The following STPG3 variants were observed in gnomAD, a reference collection of about 807,000 sequenced individuals.
STPG3 encodes sperm-tail PG-rich repeat containing 3.
Under a neutral mutation model 32.5 loss-of-function variants are expected in STPG3, and 39 were observed. That is an observed-to-expected ratio of 1.20 (90% CI 0.93 to 1.57). STPG3 has a LOEUF of 1.57. Ranked by LOEUF, STPG3 falls within the 40% of genes most tolerant of loss-of-function variation. The pLI, the probability that STPG3 is intolerant of heterozygous loss-of-function variation, is 0.00. For synonymous variants in STPG3, 209 were observed against 172.4 expected (o/e 1.21, Z -1.66); for missense variants, 507 against 407.6 (o/e 1.24, Z -2.10).
Position 137,253,278 on chromosome 9 carries a change from A to G in STPG3, c.*33A>G, listed in dbSNP as rs1427187379. The G allele has an allele frequency of 6.3e-7, 1 of 1,585,576 alleles. No homozygotes were observed. The highest frequency in any genetic ancestry group is 1.1e-5 in the South Asian group (1 of 87,258). ...TGGGCACAACCTGCTTGGCCCGGCC[A>G]CCGAGTGGAACCATGGCCTCCCCCG... On this transcript the variant is annotated 3_prime_UTR_variant, in exon 6 of 6. Transcript: ENST00000412566.
Position 137,253,127 on chromosome 9 carries a change from G to A in STPG3, c.809G>A (p.Gly270Asp), listed in dbSNP as rs1837448414. The A allele has an allele frequency of 2.5e-6, 4 of 1,573,858 alleles. No homozygotes were observed. Among genetic ancestry groups the A allele is most frequent in the South Asian group, 1.2e-5 (1 of 86,394 alleles). The change falls in exon 6 of 6, where the codon GGC becomes GAC. Residue 270 changes from glycine (G) to aspartate (D), a missense_variant. Physicochemically the swap from Gly to Asp is moderately conservative, Grantham distance 94 (BLOSUM62 -1). Transcript: ENST00000412566. ...TSWLSTSRTP[G>D]PAAYHVEDCN... Reference sequence around the variant, plus strand: ...TCTCTTTCGGCAGCCCGAACCCCTGGCCCAGCCGCCTACCACGTGGAGGAC... The same window carrying A: ...TCTCTTTCGGCAGCCCGAACCCCTGACCCAGCCGCCTACCACGTGGAGGAC...
At chr9:137,252,571 G>C in intron 4 of STPG3, 46 bp downstream of exon 4, 1 of 1,501,334 alleles carries the variant, frequency 6.7e-7, no homozygotes, top group Non-Finnish European at 9.0e-7. Context: ...CGCAGGCAGG[G>C]GGCTGGGGGT....
chr9:137,252,605 G>A, intron 4 of STPG3, 57 bp from the exon 5 acceptor site: 2 of 1,517,244 alleles, frequency 1.3e-6, no homozygotes, highest in Non-Finnish European at 1.8e-6. Flanking sequence ...AAGGGGGGCT[G>A]GCTGAGGGTC....
At position 137,251,306 on chromosome 9, in the gene STPG3, A is replaced by G. The variant is rs774034087; in HGVS notation, c.20A>G (p.Lys7Arg). The G allele has an allele frequency of 6.2e-7, 1 of 1,612,920 alleles. No individual in the cohort carries two copies. The highest frequency in any genetic ancestry group is 8.5e-7 in the Non-Finnish European group (1 of 1,178,980). Residue 7 changes from lysine (K) to arginine (R), a missense_variant, in exon 1 of 6, where the codon AAG (lysine) becomes AGG (arginine). By Grantham distance (26) the Lys-to-Arg change is conservative. Coordinates refer to ENST00000412566, the MANE Select transcript of STPG3 (RefSeq NM_001004353.4). MMNSDQ[K>R]AVKFLANFYI... ...ACTCTGATGATGAATTCTGACCAGAAGGCAGTGAAATTCCTGGCAAATTTT... is the reference window on the plus strand; with the variant it reads ...ACTCTGATGATGAATTCTGACCAGAGGGCAGTGAAATTCCTGGCAAATTTT...
chr9:137,253,249 C>T lies in STPG3; in HGVS notation c.*4C>T, dbSNP rs1432866328. ...AGGCCCCTTCTGCACGCTCTAGAGC[C>T]AGCTGGGCACAACCTGCTTGGCCCG... On this transcript the variant is annotated 3_prime_UTR_variant, in exon 6 of 6. Transcript: ENST00000412566. The T allele has an allele frequency of 1.2e-6, 2 of 1,603,274 alleles. No individual in the cohort carries two copies. Among genetic ancestry groups the T allele is most frequent in the Non-Finnish European group, 1.7e-6 (2 of 1,175,548 alleles).
rs777261198 is a variant in STPG3, at chr9:137,253,306, G to C, written c.*61G>C. ...GAGTGGAACCATGGCCTCCCCCGGG[G>C]CTTTCCCAGGCCTCCCCTGGGACTT... On this transcript the variant is annotated 3_prime_UTR_variant, in exon 6 of 6. Transcript: ENST00000412566. 1.9e-6 allele frequency: 3 copies of C among 1,559,280 alleles called. No individual in the cohort carries two copies. The highest frequency in any genetic ancestry group is 2.6e-6 in the Non-Finnish European group (3 of 1,152,890).
At position 137,251,831 on chromosome 9, in the gene STPG3, C is replaced by T. The variant is rs2131460208; in HGVS notation, c.204C>T (p.Leu68=). The T allele has an allele frequency of 3.7e-6, 6 of 1,606,466 alleles. No individual in the cohort carries two copies. The highest frequency in any genetic ancestry group is 5.1e-6 in the Non-Finnish European group (6 of 1,176,586). ...AGATGAAGGAGATCCCAGTTGGCCT[C>T]AGGTTACAGACGGGCACCCCCCAGG... ...PPKMKEIPVG[L]RLQTGTPQES... is the part of the protein sequence containing the mutation. The change falls in exon 2 of 6, where the codon CTC becomes CTT. Residue 68 remains leucine, a synonymous_variant. Transcript: ENST00000412566.
Position 137,252,628 on chromosome 9 carries a change from C to T in STPG3, c.493-34C>T, listed in dbSNP as rs140844791. 2,083 of 1,497,240 alleles carry T rather than the reference C, an allele frequency of 1.4e-3. 21 individuals are homozygous for T. Among genetic ancestry groups the T allele is most frequent in the South Asian group, 0.013 (1,073 of 81,636 alleles). 92.7% of individuals were successfully genotyped at this position (1,497,240 alleles called of 1,614,324 possible). On this transcript the variant is annotated intron_variant, in intron 4 of 5. Coordinates refer to ENST00000412566, the MANE Select transcript of STPG3 (RefSeq NM_001004353.4). ...CTGGCTGAGGGTCCGTGGGGAGCAC[C>T]CTGCCCTGCAGCCCGTCTCCTACCC...
In STPG3 at chr9:137,251,791, A is replaced by T; in HGVS notation, c.164A>T (p.Glu55Val). Reference sequence around the variant, plus strand: ...CCGGAGCCGGGGATGGCCTGGGATGAGACACAGCCCCCAAAGATGAAGGAG... The same window carrying T: ...CCGGAGCCGGGGATGGCCTGGGATGTGACACAGCCCCCAAAGATGAAGGAG... ...LGPEPGMAWD[E>V]TQPPKMKEIP... The change falls in exon 2 of 6, where the codon GAG (glutamate) becomes GTG (valine). Residue 55 changes from glutamate to valine, a missense_variant. By Grantham distance (121) the Glu-to-Val change is moderately radical. Coordinates refer to ENST00000412566, the MANE Select transcript of STPG3 (RefSeq NM_001004353.4). 6.3e-7 allele frequency: 1 copy of T among 1,595,084 alleles called. No homozygotes were observed. Among genetic ancestry groups the T allele is most frequent in the Non-Finnish European group, 8.5e-7 (1 of 1,171,164 alleles).
Position 137,252,458 on chromosome 9 carries a change from G to A in STPG3, c.425G>A (p.Trp142Ter), listed in dbSNP as rs1837389353. 6.2e-7 allele frequency: 1 copy of A among 1,611,194 alleles called. No homozygotes were observed. The part of the protein sequence containing the change: ...QGREGGGRRA[W>*]QTLWFQSESP... ...ACAGAGGGCGGTGGCCGCAGGGCAT[G>A]GCAGACTTTGTGGTTCCAGAGCGAA... The change falls in exon 4 of 6, where the codon TGG (tryptophan) becomes TAG (stop). Residue 142 changes from tryptophan (W) to a stop codon, truncating the protein, a stop_gained. Transcript: ENST00000412566. LOFTEE classifies it high-confidence loss of function.
intron 1 of STPG3, 79 bp from the exon 2 acceptor site, chr9:137,251,659 C>T (rs1837325451): frequency 1.3e-6 from 2 of 1,485,452 alleles, no homozygotes; most frequent in Admixed American, 4.1e-5. Flanking sequence ...GGCTGAGGGA[C>T]AATAGAGGGG....
At chr9:137,253,087 T>TG in intron 5 of STPG3, 28 bp from the exon 6 acceptor site, 12 of 1,544,666 alleles carry the variant, frequency 7.8e-6, no homozygotes, top group Non-Finnish European at 1.1e-5. Flanking sequence ...GCTACCTGGG[T>TG]GGGGCTCCCA....
intron 3 of STPG3, 73 bp from the exon 4 acceptor site, chr9:137,252,364 G>A: frequency 1.3e-6 from 2 of 1,489,792 alleles, no homozygotes; most frequent in Non-Finnish European, 1.8e-6. Context: ...TGGGAACCGG[G>A]AGACAGGTTC....
intron 1 of STPG3, among the ~76,000 whole-genome samples, 152 bp from the exon 2 acceptor site, chr9:137,251,586 C>T (rs538917855): frequency 9.8e-5 from 12 of 122,794 alleles, no homozygotes; most frequent in African/African-American, 3.2e-4. Context: ...CGGCTGGGAG[C>T]GGCCAGGGGC....
In STPG3 at chr9:137,252,063, G is replaced by A; in HGVS notation, c.331G>A (p.Val111Met). ...LEVPSPTRYQ[V>M]PSPSVRESSP... ...AGTCCCCAGCCCCACCAGGTACCAG[G>A]TGCCGAGCCCGTCCGTACGAGAGTC... Residue 111 changes from valine (V) to methionine (M), a missense_variant, in exon 3 of 6, where the codon GTG becomes ATG. Val to Met is a conservative substitution (Grantham distance 21). Transcript: ENST00000412566. 1 of 1,613,114 alleles carries A rather than the reference G, an allele frequency of 6.2e-7. No homozygotes were observed. The highest frequency in any genetic ancestry group is 8.5e-7 in the Non-Finnish European group (1 of 1,179,782).
In STPG3 at chr9:137,253,305, G is replaced by A. The variant is rs1837462092; in HGVS notation, c.*60G>A. The stretch of plus-strand genomic sequence containing the variant: ...CGAGTGGAACCATGGCCTCCCCCGG[G>A]GCTTTCCCAGGCCTCCCCTGGGACT... On this transcript the variant is annotated 3_prime_UTR_variant, in exon 6 of 6. Coordinates refer to ENST00000412566, the MANE Select transcript of STPG3 (RefSeq NM_001004353.4). The A allele has an allele frequency of 6.4e-7, 1 of 1,559,912 alleles. No homozygotes were observed. Among genetic ancestry groups the A allele is most frequent in the Non-Finnish European group, 8.7e-7 (1 of 1,153,068 alleles).
chr9:137,252,919 C>A lies in STPG3; in HGVS notation c.750C>A (p.Ala250=). The A allele has an allele frequency of 5.0e-6, 8 of 1,600,166 alleles. No homozygotes were observed. Among genetic ancestry groups the A allele is most frequent in the Non-Finnish European group, 6.8e-6 (8 of 1,173,986 alleles). ...GCCTGCAGAGCCCCCGCTCGCCGGC[C>A]TTCTCGATGAGCCGCTCCCCTGCGT... ...GSRLQSPRSP[A]FSMSRSPAFT... Residue 250 remains alanine, a synonymous_variant, in exon 5 of 6, where the codon GCC becomes GCA. Transcript: ENST00000412566.
chr9:137,251,485 G>T, intron 1 of STPG3, 89 bp downstream of exon 1: 4 of 1,128,920 alleles, frequency 3.5e-6, no homozygotes, highest in Non-Finnish European at 5.2e-6. Context: ...TGCTGGGCAG[G>T]CGGCTGGGGG....
intron 1 of STPG3, 30 bp from the exon 2 acceptor site, chr9:137,251,708 T>C (rs774717876): frequency 3.2e-6 from 5 of 1,553,586 alleles, no homozygotes; most frequent in Middle Eastern, 1.7e-4. Context: ...GGCCGGGGGC[T>C]GAGACAGTGG....
Sources: allele counts gnomAD v4.1 joint callset (sites outside exome capture counted in the v4.1 genomes callset), GRCh38; gene constraint gnomAD v4.1.1; transcripts MANE v1.5; gene names NCBI Gene and HGNC (gene_info 2026-07-23, HGNC 2026-07-21).